The following TBC1D5 variants were observed in gnomAD, a reference collection of about 807,000 sequenced individuals.
TBC1D5 encodes the protein TBC1 domain family member 5.
A neutral mutation model predicts 100.3 loss-of-function variants in TBC1D5; 75 were observed. The ratio of observed to expected loss-of-function variants is 0.75; its 90% CI spans 0.62 to 0.91. TBC1D5 has a LOEUF of 0.91. TBC1D5 is among the 40% of genes least tolerant of loss of function. The pLI is 0.00. For missense variants in TBC1D5, 910 were observed against 942.4 expected (o/e 0.97, Z 0.45); for synonymous variants, 323 against 325.6 (o/e 0.99, Z 0.09).
intron 14 of TBC1D5, among the ~76,000 whole-genome samples, chr3:17,304,365 C>G (rs1416692318): frequency 6.6e-6 from 1 of 152,116 alleles, no homozygotes; most frequent in Non-Finnish European, 1.5e-5. Context: ...AGACAATAAA[C>G]AAGTGAAAGC....
intron 1 of TBC1D5, among the ~76,000 whole-genome samples, chr3:17,717,200 G>GA (rs36195688): frequency 4.7e-5 from 7 of 149,434 alleles, no homozygotes; most frequent in Admixed American, 1.3e-4. Flanking sequence ...TGCTTTCTCT[G>GA]AAAAAATATG....
At chr3:17,284,033 C>T (rs1245235083) in intron 15 of TBC1D5, among the ~76,000 whole-genome samples, 1 of 150,234 alleles carries the variant, frequency 6.7e-6, no homozygotes, top group Admixed American at 6.6e-5. Context: ...GCTTTTTGAC[C>T]AACCTACCTA....
intron 13 of TBC1D5, among the ~76,000 whole-genome samples, chr3:17,354,303 T>C (rs1381700384): frequency 6.6e-6 from 1 of 152,158 alleles, no homozygotes; most frequent in East Asian, 1.9e-4. Context: ...GAGGAGTTTC[T>C]TCATTTACAA....
chr3:17,538,718 G>A (rs1019830976), intron 2 of TBC1D5, among the ~76,000 whole-genome samples: 1 of 152,104 alleles, frequency 6.6e-6, no homozygotes, highest in African/African-American at 2.4e-5. Flanking sequence ...TTTCCAATTG[G>A]CAACTTGTCA....
At chr3:17,434,228 C>G (rs1181837856) in intron 3 of TBC1D5, among the ~76,000 whole-genome samples, 1 of 152,226 alleles carries the variant, frequency 6.6e-6, no homozygotes, top group Non-Finnish European at 1.5e-5. Context: ...TATGGGGACT[C>G]CAACCCCACA....
At chr3:17,162,810 A>C (rs2066201477) in intron 21 of TBC1D5, among the ~76,000 whole-genome samples, 1 of 152,160 alleles carries the variant, frequency 6.6e-6, no homozygotes, top group Non-Finnish European at 1.5e-5. Flanking sequence ...TGGGGAGTGC[A>C]TTGAAAGCTG....
At chr3:17,214,154 C>A in intron 18 of TBC1D5, 53 bp downstream of exon 19, 2 of 1,552,212 alleles carry the variant, frequency 1.3e-6, no homozygotes, top group Non-Finnish European at 1.7e-6. Flanking sequence ...ATAAATGCAG[C>A]ACTCTAGAGA....
At chr3:17,378,141 G>A (rs1199782435) in intron 9 of TBC1D5, among the ~76,000 whole-genome samples, 1 of 151,738 alleles carries the variant, frequency 6.6e-6, no homozygotes, top group Admixed American at 6.6e-5. Context: ...TGATAAAGGG[G>A]GAGAAGGAGG....
intron 15 of TBC1D5, among the ~76,000 whole-genome samples, chr3:17,266,275 C>T (rs1425457287): frequency 5.9e-5 from 9 of 152,112 alleles, no homozygotes; most frequent in East Asian, 1.9e-4. Flanking sequence ...AAAAGGCAGA[C>T]GTTATAATCC....
At chr3:17,594,102 C>A (rs1207878872) in intron 2 of TBC1D5, among the ~76,000 whole-genome samples, 5 of 152,184 alleles carry the variant, frequency 3.3e-5, no homozygotes. Flanking sequence ...AACAATGATT[C>A]CATTAAATTG....
chr3:17,573,856 T>C lies in TBC1D5; in HGVS notation c.-36+49993A>G, dbSNP rs1365317366. 2.6e-5 allele frequency among the ~76,000 whole-genome samples: 4 copies of C among 151,932 alleles called. No individual in the cohort carries two copies. The East Asian group carries it at 7.7e-4, about 29-fold the overall frequency. On this transcript the variant is annotated intron_variant, in intron 2 of 21. Transcript: ENST00000253692. ...CTATCACATAATTCATCACACTAGA[T>C]GTTAATTTTTTAACTACCACTCTTT...
intron 13 of TBC1D5, among the ~76,000 whole-genome samples, chr3:17,311,467 C>T (rs1362028796): frequency 1.3e-5 from 2 of 151,932 alleles, no homozygotes; most frequent in African/African-American, 4.8e-5. Context: ...CCACTATTCT[C>T]GATTTTAAAT....
At chr3:17,167,687 C>T (rs2125138868) in intron 20 of TBC1D5, 62 bp downstream of exon 21, 1 of 1,489,620 alleles carries the variant, frequency 6.7e-7, no homozygotes, top group East Asian at 2.3e-5. Flanking sequence ...GCTCCATGCC[C>T]TGGGGGGCCC....
intron 1 of TBC1D5, among the ~76,000 whole-genome samples, chr3:17,668,153 AATATATATATATATTTAAG>A (rs1028166774): frequency 6.8e-5 from 10 of 147,726 alleles, no homozygotes; most frequent in Non-Finnish European, 1.3e-4. Context: ...TTCACTTAAA[AATATATATATATATTTAAG>A]ATATATATAT....
intron 1 of TBC1D5, among the ~76,000 whole-genome samples, chr3:17,686,680 C>A (rs1386375783): frequency 1.3e-5 from 2 of 152,066 alleles, no homozygotes; most frequent in African/African-American, 4.8e-5. Context: ...TAAATTTAGG[C>A]CAAACCTGAA....
chr3:17,349,713 A>G (rs1162088833), intron 13 of TBC1D5, among the ~76,000 whole-genome samples: 1 of 152,192 alleles, frequency 6.6e-6, no homozygotes, highest in African/African-American at 2.4e-5. Context: ...TTTCCATTAA[A>G]TTCTTAATGT....
At chr3:17,542,815 G>A (rs1248172558) in intron 2 of TBC1D5, among the ~76,000 whole-genome samples, 1 of 152,094 alleles carries the variant, frequency 6.6e-6, no homozygotes, top group African/African-American at 2.4e-5. Flanking sequence ...AATCCCACTT[G>A]GTGATGGTGT....
At chr3:17,501,040 G>T (rs780541622) in intron 3 of TBC1D5, among the ~76,000 whole-genome samples, 3 of 149,466 alleles carry the variant, frequency 2.0e-5, no homozygotes, top group African/African-American at 7.6e-5. Context: ...TAAAATCCAC[G>T]TATTTTTTAT....
intron 1 of TBC1D5, among the ~76,000 whole-genome samples, chr3:17,641,199 T>G (rs1034591619): frequency 5.9e-5 from 9 of 152,188 alleles, no homozygotes; most frequent in African/African-American, 2.2e-4. Flanking sequence ...CCAGGGGTCC[T>G]ATGAATTAGT....
Sources: gnomAD v4.1 joint callset for allele counts (sites outside exome capture counted in the v4.1 genomes callset) on GRCh38, gnomAD v4.1.1 for gene constraint, MANE v1.5 for transcripts, NCBI Gene and HGNC (gene_info 2026-07-23, HGNC 2026-07-21) for gene names.